ADAMTSL1: variants seen among roughly 807,000 people sequenced by gnomAD.
The protein encoded by ADAMTSL1 is ADAMTS-like protein 1.
A neutral mutation model predicts 201.8 loss-of-function variants in ADAMTSL1; 126 were observed. That is an observed-to-expected ratio of 0.62 (90% CI 0.54 to 0.72). The LOEUF is 0.72. Ranked by LOEUF, ADAMTSL1 falls within the 30% of genes least tolerant of loss-of-function variation. ADAMTSL1 has a pLI of 0.00. For synonymous variants in ADAMTSL1, 1,121 were observed against 903.4 expected (o/e 1.24, Z -4.32); for missense variants, 2,679 against 2,277.8 (o/e 1.18, Z -3.59).
intron 23 of ADAMTSL1, among the ~76,000 whole-genome samples, chr9:18,844,732 C>T (rs1032886321): frequency 1.3e-5 from 2 of 152,250 alleles, no homozygotes; most frequent in African/African-American, 4.8e-5. Context: ...CTAAGCAAGC[C>T]TGGGCAATGG....
chr9:18,315,813 A>C (rs1461831176), intron 2 of ADAMTSL1, among the ~76,000 whole-genome samples: 1 of 152,212 alleles, frequency 6.6e-6, no homozygotes, highest in Non-Finnish European at 1.5e-5. Flanking sequence ...CCTCAAGCAC[A>C]GCCAGAGTGG....
rs189159250 is a variant in ADAMTSL1, at chr9:18,839,861, C to T, written c.4249+9884C>T. ...TTGAGAAGTGTCTGTTCATGTCCTT[C>T]GCCCACTTTTGGATGGGGTTCTTTG... On this transcript the variant is annotated intron_variant, in intron 23 of 28. Coordinates refer to ENST00000380548, the MANE Select transcript of ADAMTSL1 (RefSeq NM_001040272.6). Among the ~76,000 whole-genome samples, 477 of 150,284 alleles carry T rather than the reference C, an allele frequency of 3.2e-3. 3 individuals are homozygous for T. Among genetic ancestry groups the T allele is most frequent in the East Asian group, 0.025 (130 of 5,118 alleles).
chr9:18,090,748 T>C (rs1055280980), intron 1 of ADAMTSL1, among the ~76,000 whole-genome samples: 2 of 152,182 alleles, frequency 1.3e-5, no homozygotes, highest in African/African-American at 4.8e-5. Context: ...AATGGTAAAT[T>C]TTATGTATCT....
intron 1 of ADAMTSL1, among the ~76,000 whole-genome samples, chr9:17,968,628 C>G (rs111262038): frequency 2.8e-4 from 42 of 152,228 alleles, no homozygotes; most frequent in African/African-American, 9.6e-4. Flanking sequence ...AATGTGGTAT[C>G]CTCGTTGATT....
At chr9:18,474,573 T>C (rs1821358408) in intron 1 of ADAMTSL1, among the ~76,000 whole-genome samples, 1 of 152,078 alleles carries the variant, frequency 6.6e-6, no homozygotes, top group African/African-American at 2.4e-5. Context: ...TGCATGGAGT[T>C]TGGGAGCTGA....
At chr9:18,338,438 C>T (rs1835338032) in intron 2 of ADAMTSL1, among the ~76,000 whole-genome samples, 1 of 151,286 alleles carries the variant, frequency 6.6e-6, no homozygotes. Context: ...TGATTATCCC[C>T]TTTTCTGTTT....
chr9:18,782,014 C>G (rs1821421400), intron 19 of ADAMTSL1, among the ~76,000 whole-genome samples: 1 of 152,196 alleles, frequency 6.6e-6, no homozygotes, highest in Non-Finnish European at 1.5e-5. Context: ...GTCAACTTCT[C>G]AAGCAGTCGT....
chr9:18,494,341 C>T lies in ADAMTSL1; in HGVS notation c.64-10488C>T, dbSNP rs989147298. ...ACTGCACTCCAGTCTGGGTGACAGA[C>T]TGTCTCAAAAAAAAAAAAAAAACCA... On this transcript the variant is annotated intron_variant, in intron 1 of 28. Transcript: ENST00000380548. 4.8e-5 allele frequency among the ~76,000 whole-genome samples: 7 copies of T among 146,494 alleles called. 1 individual carries two copies. The highest frequency in any genetic ancestry group is 1.8e-4 in the African/African-American group (7 of 39,250).
intron 2 of ADAMTSL1, among the ~76,000 whole-genome samples, chr9:18,379,483 A>G (rs945439564): frequency 5.9e-5 from 9 of 152,112 alleles, no homozygotes; most frequent in Admixed American, 5.2e-4. Flanking sequence ...CTCTCATTCT[A>G]TTTTGTAGAA....
At chr9:18,313,207 T>C (rs1010205003) in intron 2 of ADAMTSL1, among the ~76,000 whole-genome samples, 16 of 152,214 alleles carry the variant, frequency 1.1e-4, no homozygotes, top group African/African-American at 3.9e-4. Flanking sequence ...GCAATGCTGA[T>C]ACTGTTCGTC....
chr9:18,536,297 A>T (rs543700946), intron 3 of ADAMTSL1, among the ~76,000 whole-genome samples: 2 of 152,274 alleles, frequency 1.3e-5, no homozygotes, highest in South Asian at 4.1e-4. Flanking sequence ...ATCCCTGGAC[A>T]GCTTCCTTGG....
intron 1 of ADAMTSL1, among the ~76,000 whole-genome samples, chr9:17,932,306 A>T (rs1349010013): frequency 6.6e-6 from 1 of 152,154 alleles, no homozygotes; most frequent in African/African-American, 2.4e-5. Context: ...CCACCTTTCC[A>T]TCAATTTCTC....
intron 19 of ADAMTSL1, 47 bp from the exon 20 acceptor site, chr9:18,795,350 G>GC (rs1303334837): frequency 9.9e-6 from 16 of 1,608,586 alleles, no homozygotes; most frequent in Non-Finnish European, 1.4e-5. Context: ...TGCCAAAAAG[G>GC]AGTCAACTGA....
chr9:18,731,761 C>T (rs747615807), intron 15 of ADAMTSL1, among the ~76,000 whole-genome samples: 1 of 152,166 alleles, frequency 6.6e-6, no homozygotes, highest in Non-Finnish European at 1.5e-5. Flanking sequence ...TGGGCTACTA[C>T]TTCACATGGT....
In ADAMTSL1 at chr9:18,853,887, C is replaced by CTG. The variant is rs529993480; in HGVS notation, c.4249+23911_4249+23912insGT. ...CCTGTGGAGTCTACTTGTATTCACT[C>CTG]TCTGTGTGTGTGTGTGTGTGTGTGT... On this transcript the variant is annotated intron_variant, in intron 23 of 28. Coordinates refer to ENST00000380548, the MANE Select transcript of ADAMTSL1 (RefSeq NM_001040272.6). Among the ~76,000 whole-genome samples, 621 of 80,872 alleles carry CTG rather than the reference C, an allele frequency of 7.7e-3. 5 individuals carry two copies. The highest frequency in any genetic ancestry group is 0.018 in the African/African-American group (532 of 29,482). The allele number at this position is 80,872 out of a possible 152,430, so 53.1% of individuals were successfully genotyped here.
rs1830253034 is a variant in ADAMTSL1 at position 18,905,486 on chromosome 9, C to G, written c.4852-296C>G. 1.6e-5 allele frequency: 6 copies of G among 378,360 alleles called. No individual in the cohort carries two copies. In the East Asian group the frequency reaches 3.1e-4, roughly 20 times the overall value. 23.4% of individuals were successfully genotyped at this position (378,360 alleles called of 1,614,324 possible). A position where few individuals can be genotyped will look rare whatever the true frequency, so the allele number is the denominator to read the frequency against. ...ACTGCCACATTCCTAGCATATTATG[C>G]CAAAATATCTTTCATATGATTAATC... On this transcript the variant is annotated intron_variant, in intron 26 of 28. Coordinates refer to ENST00000380548, the MANE Select transcript of ADAMTSL1 (RefSeq NM_001040272.6).
Position 18,207,906 on chromosome 9 carries a change from AT to A in ADAMTSL1, c.207+43927del, listed in dbSNP as rs1365498401. Among the ~76,000 whole-genome samples, 8 of 152,260 alleles carry A rather than the reference AT, an allele frequency of 5.3e-5. No homozygotes were observed. In the East Asian group the frequency reaches 1.5e-3, roughly 29 times the overall value. On this transcript the variant is annotated intron_variant, in intron 2 of 29. Transcript: ENST00000680146. ...AAAAAACAAGATAGAATAAGTAAAT[AT>A]TGCATGATTTGGCTCTAGAGAGAAG...
intron 2 of ADAMTSL1, among the ~76,000 whole-genome samples, chr9:18,218,471 C>G (rs943299561): frequency 6.6e-6 from 1 of 152,090 alleles, no homozygotes; most frequent in Non-Finnish European, 1.5e-5. Flanking sequence ...AAAGTTCAAA[C>G]GTTACCAAAT....
chr9:18,725,737 C>G (rs751160038), intron 15 of ADAMTSL1, among the ~76,000 whole-genome samples: 19 of 152,114 alleles, frequency 1.2e-4, no homozygotes, highest in African/African-American at 1.9e-4. Context: ...TTCTTCAGTT[C>G]TAGTTCCTTC....
Sources: allele counts gnomAD v4.1 joint callset (sites outside exome capture counted in the v4.1 genomes callset), GRCh38; gene constraint gnomAD v4.1.1; transcripts MANE v1.5; gene names NCBI Gene and HGNC (gene_info 2026-07-23, HGNC 2026-07-21).